Variants in NOVA1 observed in about 807,000 individuals in gnomAD.
NOVA1 encodes RNA-binding protein Nova-1.
In NOVA1, 7 loss-of-function variants were observed where a neutral mutation model predicts 38.0. The observed-to-expected ratio is 0.18, with a 90% CI of 0.10 to 0.35. The LOEUF (loss-of-function observed/expected upper bound fraction) is 0.35. NOVA1 is among the 10% of genes least tolerant of loss of function. The probability of loss-of-function intolerance (pLI) is 1.00; values close to 1 mark genes in which losing one functional copy is unlikely to be tolerated. For missense variants in NOVA1, 460 were observed against 616.0 expected, an observed-to-expected ratio of 0.75 and a Z score of 2.68; for synonymous variants, 270 against 232.5, an observed-to-expected ratio of 1.16 and a Z score of -1.47.
chr14:26,542,667 C>T (rs1191265028), intron 2 of NOVA1, among the ~76,000 whole-genome samples: 2 of 148,552 alleles, frequency 1.3e-5, no homozygotes, highest in Non-Finnish European at 3.0e-5. Flanking sequence ...TCATTTCTGA[C>T]CATATCTAAA....
chr14:26,491,325 G>T (rs1594392017), intron 2 of NOVA1, among the ~76,000 whole-genome samples: 1 of 152,158 alleles, frequency 6.6e-6, no homozygotes. Flanking sequence ...TTTAGGAGTT[G>T]TTTATATATT....
At chr14:26,558,450 C>T (rs865937880) in intron 2 of NOVA1, among the ~76,000 whole-genome samples, 2 of 152,230 alleles carry the variant, frequency 1.3e-5, no homozygotes, top group African/African-American at 4.8e-5. Context: ...ACACTTTGGA[C>T]TTTCTGCTCA....
At chr14:26,461,910 A>G (rs12590221) in intron 4 of NOVA1, among the ~76,000 whole-genome samples, 34,632 of 150,884 alleles carry the variant, frequency 0.23, 4,425 homozygotes, top group East Asian at 0.34. Flanking sequence ...ATTGCACTCC[A>G]GCCTGGGCAA....
chr14:26,543,558 GACTTT>G (rs1366396070), intron 2 of NOVA1, among the ~76,000 whole-genome samples: 1 of 151,818 alleles, frequency 6.6e-6, no homozygotes, highest in Non-Finnish European at 1.5e-5. Flanking sequence ...GACCAATAAA[GACTTT>G]ACTTAACTTG....
At chr14:26,572,725 A>AGTGTGTGTGTGTGTGTGTGTGT (rs56021646) in intron 2 of NOVA1, among the ~76,000 whole-genome samples, 114 of 138,520 alleles carry the variant, frequency 8.2e-4, no homozygotes, top group Middle Eastern at 3.7e-3. Context: ...AAGGAACCGC[A>AGTGTGTGTGTGTGTGTGTGTGT]GTGTGTGTGT....
intron 2 of NOVA1, among the ~76,000 whole-genome samples, chr14:26,575,411 A>T (rs541739916): frequency 6.6e-6 from 1 of 152,322 alleles, no homozygotes; most frequent in Admixed American, 6.5e-5. Flanking sequence ...ATCTTCCATA[A>T]GTCAACACTA....
At chr14:26,548,975 G>A (rs1393091864) in intron 2 of NOVA1, among the ~76,000 whole-genome samples, 1 of 151,932 alleles carries the variant, frequency 6.6e-6, no homozygotes, top group African/African-American at 2.4e-5. Context: ...AAAAAAACTA[G>A]CCAGTTGTGG....
At chr14:26,548,790 T>G (rs374825740) in intron 2 of NOVA1, among the ~76,000 whole-genome samples, 10 of 135,888 alleles carry the variant, frequency 7.4e-5, no homozygotes, top group Admixed American at 2.5e-4. Flanking sequence ...TCTTCCCCAC[T>G]TTTTTCCCCA....
Position 26,597,785 on chromosome 14 carries a change from G to C in NOVA1, c.-349C>G. 2 of 748,632 alleles carry C rather than the reference G, an allele frequency of 2.7e-6. No individual in the cohort carries two copies. Among genetic ancestry groups the C allele is most frequent in the Non-Finnish European group, 3.3e-6 (2 of 607,790 alleles). The allele number at this position is 748,632 out of a possible 1,614,324, so 46.4% of individuals were successfully genotyped here. A position where few individuals can be genotyped will look rare whatever the true frequency, so the allele number is the denominator to read the frequency against. On this transcript the variant is annotated 5_prime_UTR_variant, in exon 1 of 5. Transcript: ENST00000539517. ...AGTGAATGAGCGGGAGGAGGGGACC[G>C]GGGAGGACAGGCAGAGGGAGTGGGA...
chr14:26,479,088 C>T (rs1480793067), intron 3 of NOVA1: 1 of 151,796 alleles, frequency 6.6e-6, no homozygotes, highest in African/African-American at 2.4e-5. Flanking sequence ...TTACAATGAA[C>T]ATGAGTATTC....
intron 2 of NOVA1, among the ~76,000 whole-genome samples, chr14:26,495,765 T>C (rs1249621442): frequency 9.5e-5 from 14 of 147,032 alleles, no homozygotes; most frequent in East Asian, 4.0e-4. Flanking sequence ...TTTGTTCTTG[T>C]GATAGTTTAC....
chr14:26,542,217 G>A (rs1024680427), intron 2 of NOVA1, among the ~76,000 whole-genome samples: 32 of 151,872 alleles, frequency 2.1e-4, no homozygotes, highest in African/African-American at 7.2e-4. Flanking sequence ...TTAACAATGT[G>A]ATTTGAAGGG....
At chr14:26,578,263 T>C (rs1383709756) in intron 2 of NOVA1, among the ~76,000 whole-genome samples, 1 of 151,202 alleles carries the variant, frequency 6.6e-6, no homozygotes, top group African/African-American at 2.4e-5. Context: ...AGAGAGGAAA[T>C]GGAGATAGCA....
At chr14:26,513,531 A>G (rs1888245437) in intron 2 of NOVA1, among the ~76,000 whole-genome samples, 1 of 151,818 alleles carries the variant, frequency 6.6e-6, no homozygotes, top group Non-Finnish European at 1.5e-5. Flanking sequence ...CAGTTGTGCA[A>G]ATGGCAATAA....
chr14:26,461,767 A>AAG, intron 4 of NOVA1, among the ~76,000 whole-genome samples: 1 of 5,144 alleles, frequency 1.9e-4, no homozygotes, highest in Non-Finnish European at 3.7e-3. Context: ...CATCTTTACT[A>AAG]AAAAAAAAAA....
chr14:26,523,426 T>G (rs1889045378), intron 2 of NOVA1, among the ~76,000 whole-genome samples: 1 of 152,190 alleles, frequency 6.6e-6, no homozygotes, highest in Non-Finnish European at 1.5e-5. Flanking sequence ...GAAGCTCACA[T>G]TCTCTTCTCT....
In NOVA1 at chr14:26,579,601, G is replaced by A. The variant is rs182457103; in HGVS notation, c.280+15809C>T. Among the ~76,000 whole-genome samples, 571 of 152,110 alleles carry A rather than the reference G, an allele frequency of 3.8e-3. 3 individuals carry two copies. Among genetic ancestry groups the A allele is most frequent in the African/African-American group, 0.013 (547 of 41,504 alleles). Reference sequence around the variant, plus strand: ...GTAAGTAATATTTAATTTACTATATGAAGTATCTGAATACAGAATTAAGTT... The same window carrying A: ...GTAAGTAATATTTAATTTACTATATAAAGTATCTGAATACAGAATTAAGTT... On this transcript the variant is annotated intron_variant, in intron 2 of 4. Transcript: ENST00000539517.
chr14:26,561,838 T>C (rs1256849390), intron 2 of NOVA1, among the ~76,000 whole-genome samples: 1 of 152,186 alleles, frequency 6.6e-6, no homozygotes. Context: ...TAAGATCAAC[T>C]AAAACATATT....
At position 26,468,530 on chromosome 14, in the gene NOVA1, C is replaced by T. The variant is rs1884330243; in HGVS notation, c.519+3790G>A. 4.6e-5 allele frequency among the ~76,000 whole-genome samples: 7 copies of T among 152,062 alleles called. 1 individual carries two copies. The highest frequency in any genetic ancestry group is 4.6e-4 in the Admixed American group (7 of 15,252). On this transcript the variant is annotated intron_variant, in intron 4 of 4. Transcript: ENST00000539517. ...AAATAAATGTGTGTTGCTTAAGCCA[C>T]TAAGTTTGTGGTAATTTGTTATACA...
Sources: allele counts gnomAD v4.1 joint callset (sites outside exome capture counted in the v4.1 genomes callset), GRCh38; gene constraint gnomAD v4.1.1; transcripts MANE v1.5; gene names NCBI Gene and HGNC (gene_info 2026-07-23, HGNC 2026-07-21).